The following TMEM266 variants were observed in gnomAD, a reference collection of about 807,000 sequenced individuals.
The protein encoded by TMEM266 is Hv1 related protein 1.
TMEM266 carries 33 observed loss-of-function variants against 50.5 expected under a neutral mutation model. The observed-to-expected ratio is 0.65, with a 90% CI of 0.50 to 0.87. The LOEUF is 0.87. Ranked by LOEUF, TMEM266 falls within the 40% of genes least tolerant of loss-of-function variation. The pLI, the probability that TMEM266 is intolerant of heterozygous loss-of-function variation, is 0.00. For synonymous variants in TMEM266, 310 were observed against 292.3 expected (o/e 1.06, Z -0.62); for missense variants, 655 against 695.1 (o/e 0.94, Z 0.65).
intron 1 of TMEM266, among the ~76,000 whole-genome samples, chr15:76,107,741 A>T (rs983694316): frequency 6.6e-6 from 1 of 152,186 alleles, no homozygotes; most frequent in Admixed American, 6.6e-5. Flanking sequence ...AATTAATCTG[A>T]TCTCACATTA....
chr15:76,130,872 A>G (rs988791068), intron 1 of TMEM266, among the ~76,000 whole-genome samples: 5 of 152,206 alleles, frequency 3.3e-5, no homozygotes, highest in Non-Finnish European at 7.3e-5. Flanking sequence ...TATATGTTTT[A>G]TATTGGCTGT....
At chr15:76,150,730 C>T (rs2037827210) in intron 3 of TMEM266, among the ~76,000 whole-genome samples, 1 of 152,230 alleles carries the variant, frequency 6.6e-6, no homozygotes. Flanking sequence ...CTTCCCCTTC[C>T]AGATTGGGGC....
intron 1 of TMEM266, among the ~76,000 whole-genome samples, chr15:76,091,688 A>G (rs1270775810): frequency 1.3e-5 from 2 of 151,868 alleles, no homozygotes; most frequent in African/African-American, 4.8e-5. Flanking sequence ...CCTCAGAAGG[A>G]TAAAGAAAAA....
At chr15:76,079,082 G>A (rs1008984495) in intron 1 of TMEM266, among the ~76,000 whole-genome samples, 10 of 152,232 alleles carry the variant, frequency 6.6e-5, no homozygotes, top group African/African-American at 2.4e-4. Flanking sequence ...GGATGTGCAC[G>A]TGGCTCACGC....
chr15:76,106,105 G>A (rs1004212599), intron 1 of TMEM266, among the ~76,000 whole-genome samples: 2 of 152,100 alleles, frequency 1.3e-5, no homozygotes, highest in Non-Finnish European at 2.9e-5. Context: ...AGCCCTCTGT[G>A]TTCATCCTCC....
At chr15:76,064,196 T>C (rs1439989086) in intron 1 of TMEM266, among the ~76,000 whole-genome samples, 1 of 152,210 alleles carries the variant, frequency 6.6e-6, no homozygotes, top group Non-Finnish European at 1.5e-5. Flanking sequence ...TACTGGCTTT[T>C]TACACAGACA....
At chr15:76,089,305 G>C (rs1373365468) in intron 1 of TMEM266, among the ~76,000 whole-genome samples, 4 of 151,320 alleles carry the variant, frequency 2.6e-5, no homozygotes, top group African/African-American at 4.9e-5. Flanking sequence ...CCATTCTCCT[G>C]CCTCAGCCTT....
chr15:76,122,713 C>A (rs2037363335), intron 1 of TMEM266, among the ~76,000 whole-genome samples: 1 of 152,130 alleles, frequency 6.6e-6, no homozygotes, highest in Admixed American at 6.5e-5. Context: ...TATTTTAGTT[C>A]TCCAGAAACT....
chr15:76,156,809 A>C, intron 4 of TMEM266, 51 bp downstream of exon 4: 1 of 1,582,850 alleles, frequency 6.3e-7, no homozygotes, highest in Non-Finnish European at 8.6e-7. Flanking sequence ...TCAATATTCA[A>C]TGTGCATCTG....
rs1596153743 is a variant in TMEM266 at position 76,175,828 on chromosome 15, G to C, written c.768+154G>C. 5.0e-6 allele frequency: 3 copies of C among 600,676 alleles called. No homozygotes were observed. In the East Asian group the frequency reaches 8.8e-5, roughly 18 times the overall value. 37.2% of individuals were successfully genotyped at this position (600,676 alleles called of 1,614,324 possible). A position where few individuals can be genotyped will look rare whatever the true frequency, so the allele number is the denominator to read the frequency against. On this transcript the variant is annotated intron_variant, in intron 8 of 10. Transcript: ENST00000388942. ...CATGGGGAACCTGAAGCCCAGAGAA[G>C]GGGACACATCTCCAGGTTCACTGAT...
chr15:76,089,410 GTC>G (rs2036819095), intron 1 of TMEM266, among the ~76,000 whole-genome samples: 1 of 151,880 alleles, frequency 6.6e-6, no homozygotes, highest in Non-Finnish European at 1.5e-5. Flanking sequence ...AGCCAGGATG[GTC>G]TCGATCTCCT....
chr15:76,175,435 C>T lies in TMEM266; in HGVS notation c.653-124C>T, dbSNP rs561781760. 56 of 687,042 alleles carry T rather than the reference C, an allele frequency of 8.2e-5. No individual in the cohort carries two copies. In the East Asian group the frequency reaches 1.3e-3, roughly 16 times the overall value. 42.6% of individuals were successfully genotyped at this position (687,042 alleles called of 1,614,324 possible). On this transcript the variant is annotated intron_variant, in intron 7 of 10. Transcript: ENST00000388942. Reference sequence around the variant, plus strand: ...GCTCTCGGGTACCTGGACATTTCCCCTTCTAGATCCACAGAAATGGCCCAG... The same window carrying T: ...GCTCTCGGGTACCTGGACATTTCCCTTTCTAGATCCACAGAAATGGCCCAG...
intron 1 of TMEM266, among the ~76,000 whole-genome samples, chr15:76,077,114 G>A (rs2036618484): frequency 6.6e-6 from 1 of 151,900 alleles, no homozygotes; most frequent in South Asian, 2.1e-4. Flanking sequence ...GCAGGTGCAT[G>A]CCACCACACC....
At chr15:76,148,239 C>G (rs1187301463) in intron 3 of TMEM266, among the ~76,000 whole-genome samples, 1 of 152,242 alleles carries the variant, frequency 6.6e-6, no homozygotes, top group Non-Finnish European at 1.5e-5. Context: ...ATGGGAGTCC[C>G]CAGTCATCTG....
At chr15:76,076,742 A>T (rs1025893003) in intron 1 of TMEM266, among the ~76,000 whole-genome samples, 1 of 152,070 alleles carries the variant, frequency 6.6e-6, no homozygotes, top group African/African-American at 2.4e-5. Context: ...GCCTCAAAAG[A>T]TAGAAAGGAT....
At chr15:76,178,047 C>T (rs763189244) in intron 8 of TMEM266, among the ~76,000 whole-genome samples, 17 of 151,982 alleles carry the variant, frequency 1.1e-4, no homozygotes, top group African/African-American at 3.1e-4. Flanking sequence ...CCCCGGGGTT[C>T]GGGGCCATTT....
At chr15:76,081,004 C>G (rs948956541) in intron 1 of TMEM266, among the ~76,000 whole-genome samples, 1 of 152,254 alleles carries the variant, frequency 6.6e-6, no homozygotes, top group South Asian at 2.1e-4. Context: ...TTCCACCTGG[C>G]CTCCCAGAGT....
At chr15:76,137,059 C>CA (rs1231437211) in intron 2 of TMEM266, among the ~76,000 whole-genome samples, 2 of 152,110 alleles carry the variant, frequency 1.3e-5, no homozygotes, top group Non-Finnish European at 2.9e-5. Flanking sequence ...GACATTGGAT[C>CA]AAGTGACTGC....
intron 1 of TMEM266, among the ~76,000 whole-genome samples, chr15:76,062,663 GTT>G: frequency 6.6e-6 from 1 of 152,228 alleles, no homozygotes; most frequent in Non-Finnish European, 1.5e-5. Context: ...TGATTGAAGA[GTT>G]TGAGAAACGG....
Sources: gnomAD v4.1 joint callset for allele counts (sites outside exome capture counted in the v4.1 genomes callset) on GRCh38, gnomAD v4.1.1 for gene constraint, MANE v1.5 for transcripts, NCBI Gene and HGNC (gene_info 2026-07-23, HGNC 2026-07-21) for gene names.